AKAP11: variants seen among roughly 807,000 people sequenced by gnomAD.
The protein encoded by AKAP11 is A-kinase anchor protein 11.
AKAP11 carries 36 observed loss-of-function variants against 146.1 expected under a neutral mutation model. The observed-to-expected ratio is 0.25, with a 90% CI of 0.19 to 0.33. The LOEUF is 0.33. Among genes scored for constraint, AKAP11 ranks in the 10% least tolerant of loss-of-function variants. AKAP11 has a pLI of 1.00. For synonymous variants in AKAP11, 780 were observed against 786.5 expected (o/e 0.99, Z 0.14); for missense variants, 2,201 against 2,197.0 (o/e 1.00, Z -0.04).
rs1210062706 is a variant in AKAP11, at chr13:42,302,034, A to G, written c.3288A>G (p.Val1096=). The G allele has an allele frequency of 1.9e-6, 3 of 1,614,170 alleles. No individual in the cohort carries two copies. Among genetic ancestry groups the G allele is most frequent in the East Asian group, 4.5e-5 (2 of 44,890 alleles). The part of the protein sequence containing the change: ...EDKQKVRDRN[V]IPDTPPSTPL... ...AACAGAAAGTCAGAGACAGAAATGT[A>G]ATACCTGATACTCCTCCATCAACTC... The change falls in exon 8 of 13, where the codon GTA becomes GTG. Residue 1096 remains valine, a synonymous_variant. Coordinates refer to ENST00000025301, the MANE Select transcript of AKAP11 (RefSeq NM_016248.4).
chr13:42,291,586 A>G (rs1959216843), intron 3 of AKAP11, among the ~76,000 whole-genome samples: 1 of 152,166 alleles, frequency 6.6e-6, no homozygotes, highest in African/African-American at 2.4e-5. Context: ...AAATGATCTT[A>G]GTGCACAACA....
At chr13:42,311,217 C>T (rs1414757679) in intron 9 of AKAP11, among the ~76,000 whole-genome samples, 2 of 152,062 alleles carry the variant, frequency 1.3e-5, no homozygotes, top group East Asian at 3.9e-4. Flanking sequence ...AGTACTTATA[C>T]CACTGGTTGG....
In AKAP11 at chr13:42,299,884, A is replaced by T; in HGVS notation, c.1138A>T (p.Ile380Leu). The change falls in exon 8 of 13, where the codon ATA (isoleucine) becomes TTA (leucine). Residue 380 changes from isoleucine to leucine, a missense_variant. Ile to Leu is a conservative substitution (Grantham distance 5). Transcript: ENST00000025301. ...ETCLFNKDPV[I>L]GKSSQRKGHK... ...TTGCCTGTTTAACAAAGATCCCGTC[A>T]TAGGGAAGTCATCGCAGAGGAAAGG... 1 of 1,613,956 alleles carries T rather than the reference A, an allele frequency of 6.2e-7. No homozygotes were observed.
In AKAP11 at chr13:42,320,886, A is replaced by G. The variant is rs976444581; in HGVS notation, c.*1658A>G. The stretch of plus-strand genomic sequence containing the variant: ...CAAGAAAAATGCCAAAAGCTATTTA[A>G]ATAATTCGAGGTTACATCGTAGGTT... On this transcript the variant is annotated 3_prime_UTR_variant, in exon 13 of 13. Coordinates refer to ENST00000025301, the MANE Select transcript of AKAP11 (RefSeq NM_016248.4). The G allele has an allele frequency of 6.6e-6, 1 of 152,354 alleles. No individual in the cohort carries two copies. The highest frequency in any genetic ancestry group is 2.4e-5 in the African/African-American group (1 of 41,446). 9.4% of individuals were successfully genotyped at this position (152,354 alleles called of 1,614,324 possible).
Position 42,298,777 on chromosome 13 carries a change from C to G in AKAP11, c.596C>G (p.Thr199Ser). 6.3e-7 allele frequency: 1 copy of G among 1,579,300 alleles called. No homozygotes were observed. Among genetic ancestry groups the G allele is most frequent in the South Asian group, 1.2e-5 (1 of 83,274 alleles). Reference sequence around the variant, plus strand: ...TTTGAGCACTTAGAAGAGGAAGAGACTTCAAAGCCATACAATGATGGTTTG... The same window carrying G: ...TTTGAGCACTTAGAAGAGGAAGAGAGTTCAAAGCCATACAATGATGGTTTG... ...TAFEHLEEEETSKPYNDGMNI... is the reference protein window; with the variant it reads ...TAFEHLEEEESSKPYNDGMNI... Residue 199 changes from threonine to serine, a missense_variant, in exon 7 of 13, where the codon ACT (threonine) becomes AGT (serine). Physicochemically the swap from Thr to Ser is moderately conservative, Grantham distance 58. Around this residue, in one of 3 missense-constraint regions of AKAP11, gnomAD observed 331 missense variants for 347.4 expected, o/e 0.95. Transcript: ENST00000025301.
chr13:42,296,133 G>C (rs1265549530), intron 5 of AKAP11, among the ~76,000 whole-genome samples: 1 of 152,106 alleles, frequency 6.6e-6, no homozygotes, highest in East Asian at 1.9e-4. Flanking sequence ...CATATGATAG[G>C]CATACTTTTC....
At chr13:42,314,038 A>ACTTAT in intron 11 of AKAP11, 98 bp downstream of exon 11, 1 of 1,176,194 alleles carries the variant, frequency 8.5e-7, no homozygotes, top group Admixed American at 2.1e-5. Context: ...CTAGGTTATC[A>ACTTAT]GTGTAAAACA....
chr13:42,317,600 T>C lies in AKAP11; in HGVS notation c.5477T>C (p.Leu1826Pro), dbSNP rs753837558. 2 of 1,614,188 alleles carry C rather than the reference T, an allele frequency of 1.2e-6. No individual in the cohort carries two copies. Among genetic ancestry groups the C allele is most frequent in the East Asian group, 2.2e-5 (1 of 44,882 alleles). The stretch of plus-strand genomic sequence containing the variant: ...GAGCCATGCACGGTAGACCCCCAGC[T>C]AAGGATTATTCTTCAGTGGCTCATT... The part of the protein sequence containing the change: ...DMEPCTVDPQ[L>P]RIILQWLIAS... Residue 1826 changes from leucine (L) to proline (P), a missense_variant, in exon 12 of 13, where the codon CTA becomes CCA. Leu to Pro is a moderately conservative substitution (Grantham distance 98). Around this residue, in one of 3 missense-constraint regions of AKAP11, gnomAD observed 1,867 missense variants for 1,833.5 expected, o/e 1.02. Transcript: ENST00000025301.
intron 1 of AKAP11, among the ~76,000 whole-genome samples, chr13:42,279,260 C>T (rs1281464728): frequency 2.5e-5 from 3 of 118,076 alleles, no homozygotes; most frequent in Non-Finnish European, 5.6e-5. Context: ...CGCACGTGCA[C>T]ACCCACACAC....
intron 9 of AKAP11, among the ~76,000 whole-genome samples, chr13:42,311,677 A>G (rs1164886600): frequency 1.3e-5 from 2 of 152,082 alleles, no homozygotes; most frequent in Non-Finnish European, 2.9e-5. Context: ...GAAAAATTTT[A>G]TATTTTTTTG....
intron 4 of AKAP11, among the ~76,000 whole-genome samples, chr13:42,294,604 A>G (rs1021445626): frequency 6.6e-6 from 1 of 152,058 alleles, no homozygotes; most frequent in African/African-American, 2.4e-5. Flanking sequence ...AGGTTTCACC[A>G]TGTTGGCCAG....
chr13:42,297,678 G>A (rs1300614486), intron 6 of AKAP11, among the ~76,000 whole-genome samples: 1 of 151,778 alleles, frequency 6.6e-6, no homozygotes, highest in Non-Finnish European at 1.5e-5. Flanking sequence ...ATAATATTCA[G>A]CATTTAGTTC....
chr13:42,290,797 C>A (rs1376158477), intron 3 of AKAP11, among the ~76,000 whole-genome samples: 1 of 152,166 alleles, frequency 6.6e-6, no homozygotes, highest in Non-Finnish European at 1.5e-5. Context: ...CATTTCCTTG[C>A]ATTCTGGCAC....
In AKAP11 at chr13:42,298,790, CAAT is replaced by C; in HGVS notation, c.610_612del (p.Asn204del). ...AAGAGGAAGAGACTTCAAAGCCATA[CAAT>C]GATGGTTTGTTTTTCATTAGACTTT... On this transcript the variant is annotated inframe_deletion, in exon 7 of 13. Transcript: ENST00000025301. 1 of 1,550,888 alleles carries C rather than the reference CAAT, an allele frequency of 6.4e-7. No individual in the cohort carries two copies. The highest frequency in any genetic ancestry group is 8.6e-7 in the Non-Finnish European group (1 of 1,160,700).
intron 3 of AKAP11, among the ~76,000 whole-genome samples, chr13:42,290,244 A>T (rs1268014071): frequency 2.0e-5 from 3 of 152,104 alleles, no homozygotes; most frequent in African/African-American, 7.2e-5. Flanking sequence ...GAATATTTTT[A>T]TATTTGGGTT....
intron 11 of AKAP11, among the ~76,000 whole-genome samples, chr13:42,315,861 T>TA (rs903391688): frequency 1.3e-5 from 2 of 152,136 alleles, no homozygotes; most frequent in African/African-American, 4.8e-5. Flanking sequence ...CTTATTTTTT[T>TA]AAAAAAATAA....
intron 1 of AKAP11, among the ~76,000 whole-genome samples, chr13:42,284,871 T>C (rs1294167123): frequency 6.6e-6 from 1 of 152,202 alleles, no homozygotes; most frequent in Non-Finnish European, 1.5e-5. Context: ...GCTGAGCCTT[T>C]CTCATGCTGC....
chr13:42,300,331 A>C lies in AKAP11; in HGVS notation c.1585A>C (p.Lys529Gln), dbSNP rs752276946. 1.9e-6 allele frequency: 3 copies of C among 1,610,214 alleles called. No homozygotes were observed. The East Asian group carries it at 6.7e-5, about 36-fold the overall frequency. The change falls in exon 8 of 13, where the codon AAG becomes CAG. Residue 529 changes from lysine to glutamine, a missense_variant. By Grantham distance (53) the Lys-to-Gln change is moderately conservative. Around this residue, in one of 3 missense-constraint regions of AKAP11, gnomAD observed 1,867 missense variants for 1,833.5 expected, o/e 1.02. Transcript: ENST00000025301. The stretch of plus-strand genomic sequence containing the variant: ...TGGAGAAAATAAAACTGTAACTTTT[A>C]AGCATGGAAACCTTGATCAAAAAAA... ...KHGENKTVTF[K>Q]HGNLDQKNKS...
Position 42,302,272 on chromosome 13 carries a change from A to T in AKAP11, c.3526A>T (p.Ser1176Cys), listed in dbSNP as rs1432678294. 3 of 1,614,072 alleles carry T rather than the reference A, an allele frequency of 1.9e-6. No homozygotes were observed. The African/African-American group carries it at 4.0e-5, about 22-fold the overall frequency. Residue 1176 changes from serine to cysteine, a missense_variant, in exon 8 of 13, where the codon AGT becomes TGT. Ser to Cys is a moderately radical substitution (Grantham distance 112). Transcript: ENST00000025301. ...GCGATCTCTTTCTGAAGAAGTTGAG[A>T]GTAGTGAAAGTGGAGAGCTCCCAGA... Reference protein sequence around the residue: ...LMRSLSEEVESSESGELPEVD... With the variant: ...LMRSLSEEVECSESGELPEVD...
Sources: gnomAD v4.1 joint callset for allele counts (sites outside exome capture counted in the v4.1 genomes callset) on GRCh38, gnomAD v4.1.1 for gene constraint, gnomAD v4.1.1 regional missense constraint, MANE v1.5 for transcripts, NCBI Gene and HGNC (gene_info 2026-07-23, HGNC 2026-07-21) for gene names.